Variants in EPHB1 observed in about 807,000 individuals in gnomAD.
The protein encoded by EPHB1 is EPH receptor B1.
A neutral mutation model predicts 94.4 loss-of-function variants in EPHB1; 30 were observed. The ratio of observed to expected loss-of-function variants is 0.32; its 90% CI spans 0.24 to 0.43. EPHB1 has a LOEUF of 0.43. Ranked by LOEUF, EPHB1 falls within the 20% of genes least tolerant of loss-of-function variation. The pLI is 1.00. For synonymous variants in EPHB1, 522 were observed against 489.1 expected, an observed-to-expected ratio of 1.07 and a Z score of -0.89; for missense variants, 1,055 against 1,308.3, an observed-to-expected ratio of 0.81 and a Z score of 2.99.
At chr3:134,910,599 A>G (rs1465786184) in intron 1 of EPHB1, among the ~76,000 whole-genome samples, 1 of 152,248 alleles carries the variant, frequency 6.6e-6, no homozygotes, top group Non-Finnish European at 1.5e-5. Context: ...ACATAGCAGC[A>G]TGAGTGACAG....
chr3:134,796,763 A>T (rs1323502509), intron 1 of EPHB1, among the ~76,000 whole-genome samples: 1 of 152,262 alleles, frequency 6.6e-6, no homozygotes, highest in Non-Finnish European at 1.5e-5. Context: ...GCGCTGCCGC[A>T]GTCCGGCTAG....
intron 4 of EPHB1, among the ~76,000 whole-genome samples, chr3:135,111,684 C>T (rs1939449545): frequency 6.6e-6 from 1 of 152,014 alleles, no homozygotes; most frequent in Non-Finnish European, 1.5e-5. Flanking sequence ...ATTTCATTTT[C>T]ACTCTTTTTT....
intron 3 of EPHB1, among the ~76,000 whole-genome samples, chr3:135,050,946 G>A (rs974094204): frequency 7.1e-6 from 1 of 140,154 alleles, no homozygotes; most frequent in Non-Finnish European, 1.6e-5. Context: ...GTGTGTGTGT[G>A]TTTAAGAACG....
chr3:134,905,983 G>A (rs1296431914), intron 1 of EPHB1, among the ~76,000 whole-genome samples: 6 of 152,170 alleles, frequency 3.9e-5, no homozygotes, highest in African/African-American at 1.4e-4. Context: ...CTGATTGGTG[G>A]TTTCCATAAG....
intron 1 of EPHB1, among the ~76,000 whole-genome samples, chr3:134,922,927 C>T (rs2038717282): frequency 6.6e-6 from 1 of 152,252 alleles, no homozygotes; most frequent in Non-Finnish European, 1.5e-5. Flanking sequence ...GCCCCTGTTT[C>T]AGGCCCACCT....
intron 2 of EPHB1, among the ~76,000 whole-genome samples, chr3:134,935,693 C>T (rs2107707003): frequency 6.6e-6 from 1 of 152,198 alleles, no homozygotes; most frequent in African/African-American, 2.4e-5. Context: ...GTTCGAAAGA[C>T]CTAACTTGTA....
intron 10 of EPHB1, among the ~76,000 whole-genome samples, chr3:135,185,562 T>C (rs1942306222): frequency 6.6e-6 from 1 of 152,226 alleles, no homozygotes; most frequent in Non-Finnish European, 1.5e-5. Flanking sequence ...TGCATGTATA[T>C]TTTCTTGTAA....
chr3:135,143,724 GC>G (rs1940909258), intron 5 of EPHB1, among the ~76,000 whole-genome samples: 1 of 152,224 alleles, frequency 6.6e-6, no homozygotes, highest in South Asian at 2.1e-4. Context: ...GTCCTCAGCA[GC>G]CATCACAGTG....
At chr3:135,250,203 G>A (rs1319191975) in intron 15 of EPHB1, among the ~76,000 whole-genome samples, 2 of 152,052 alleles carry the variant, frequency 1.3e-5, no homozygotes, top group Non-Finnish European at 1.5e-5. Context: ...GCATTATAAA[G>A]GCCATGAGAA....
At chr3:135,228,188 C>T (rs888579820) in intron 12 of EPHB1, among the ~76,000 whole-genome samples, 1 of 152,092 alleles carries the variant, frequency 6.6e-6, no homozygotes, top group Admixed American at 6.5e-5. Context: ...TTATCATGTT[C>T]ATTTAATATC....
chr3:135,091,611 C>T (rs1487937110), intron 3 of EPHB1, among the ~76,000 whole-genome samples: 1 of 152,176 alleles, frequency 6.6e-6, no homozygotes, highest in East Asian at 1.9e-4. Context: ...TTTGTGGGCT[C>T]ACCAAACTCT....
At chr3:135,110,055 G>A (rs1005030286) in intron 4 of EPHB1, among the ~76,000 whole-genome samples, 3 of 152,184 alleles carry the variant, frequency 2.0e-5, no homozygotes, top group Admixed American at 6.5e-5. Context: ...ACTGGGGGAC[G>A]AAATGGAAAG....
At chr3:134,973,283 T>C (rs1244749496) in intron 3 of EPHB1, among the ~76,000 whole-genome samples, 1 of 152,090 alleles carries the variant, frequency 6.6e-6, no homozygotes, top group African/African-American at 2.4e-5. Context: ...GAGAACCTGA[T>C]AGTGAAGGGC....
chr3:135,258,484 A>G (rs988544145), intron 15 of EPHB1, among the ~76,000 whole-genome samples: 103 of 152,278 alleles, frequency 6.8e-4, no homozygotes, highest in Middle Eastern at 6.8e-3. Flanking sequence ...GATTGGGCAG[A>G]TATTTTAGTT....
At chr3:134,942,962 C>A (rs535218148) in intron 2 of EPHB1, among the ~76,000 whole-genome samples, 1 of 152,102 alleles carries the variant, frequency 6.6e-6, no homozygotes, top group South Asian at 2.1e-4. Context: ...TGCTAAATTG[C>A]GTGGAATAAA....
chr3:134,818,041 G>A (rs1019503166), intron 1 of EPHB1, among the ~76,000 whole-genome samples: 5 of 152,184 alleles, frequency 3.3e-5, no homozygotes, highest in Admixed American at 2.6e-4. Context: ...AGCTTGTGGA[G>A]TTCTCCATTC....
intron 3 of EPHB1, among the ~76,000 whole-genome samples, chr3:134,994,660 G>A (rs1934930496): frequency 6.6e-6 from 1 of 152,184 alleles, no homozygotes; most frequent in South Asian, 2.1e-4. Context: ...CTAGGCTCAA[G>A]TGATCCTCCT....
intron 12 of EPHB1, among the ~76,000 whole-genome samples, chr3:135,214,486 C>G (rs1326903013): frequency 6.6e-6 from 1 of 152,204 alleles, no homozygotes; most frequent in Admixed American, 6.5e-5. Context: ...TCTGTAAGCA[C>G]CTGGTGCCAT....
At chr3:135,229,089 A>C (rs1344145386) in intron 12 of EPHB1, among the ~76,000 whole-genome samples, 1 of 152,136 alleles carries the variant, frequency 6.6e-6, no homozygotes, top group Non-Finnish European at 1.5e-5. Flanking sequence ...TGCCCTCCCA[A>C]TACAGCCTTT....
Sources: gnomAD v4.1 joint callset for allele counts (sites outside exome capture counted in the v4.1 genomes callset) on GRCh38, gnomAD v4.1.1 for gene constraint, MANE v1.5 for transcripts, NCBI Gene and HGNC (gene_info 2026-07-23, HGNC 2026-07-21) for gene names.